Variants in ERCC2 observed in about 807,000 individuals in gnomAD.
The protein encoded by ERCC2 is ERCC excision repair 2, TFIIH core complex helicase subunit.
A neutral mutation model predicts 99.4 loss-of-function variants in ERCC2; 90 were observed. That is an observed-to-expected ratio of 0.91 (90% CI 0.76 to 1.08). ERCC2 has a LOEUF of 1.08. ERCC2 is among the 50% of genes least tolerant of loss of function. ERCC2 has a pLI of 0.00. For missense variants in ERCC2, 993 were observed against 1,038.1 expected (o/e 0.96, Z 0.60); for synonymous variants, 497 against 432.4 (o/e 1.15, Z -1.85).
At chr19:45,370,453 G>A (rs1166857722) in intron 1 of ERCC2, 83 bp downstream of exon 1, 121 of 1,517,982 alleles carry the variant, frequency 8.0e-5, no homozygotes, top group Non-Finnish European at 1.0e-4. Flanking sequence ...GCCCCCTTGG[G>A]GACCCAGGCG....
In ERCC2 at chr19:45,354,750, C is replaced by T. The variant is rs199778239; in HGVS notation, c.1645G>A (p.Val549Met). The change falls in exon 17 of 23, where the codon GTG becomes ATG. Residue 549 changes from valine (V) to methionine (M), a missense_variant. Val to Met is a conservative substitution (Grantham distance 21). Transcript: ENST00000391945. ...CGTACCTGCTCATACCAGGAGGCCA[C>T]GGTGCTCTCCATGTACTGGTAGCTG... ...FTSYQYMEST[V>M]ASWYEQGILE... The T allele has an allele frequency of 2.6e-5, 42 of 1,613,950 alleles. No homozygotes were observed. The East Asian group carries it at 3.1e-4, about 12-fold the overall frequency.
chr19:45,350,209 G>C lies in ERCC2; in HGVS notation c.*1420C>G, dbSNP rs555745457. The C allele has an allele frequency of 1.0e-5, 7 of 671,320 alleles. No homozygotes were observed. The highest frequency in any genetic ancestry group is 1.9e-5 in the South Asian group (1 of 53,374). 41.6% of individuals were successfully genotyped at this position (671,320 alleles called of 1,614,324 possible). A position where few individuals can be genotyped will look rare whatever the true frequency, so the allele number is the denominator to read the frequency against. On this transcript the variant is annotated 3_prime_UTR_variant, in exon 23 of 23. Transcript: ENST00000391945. ...GGCCAAGGCAGGAGGATCACTTGAG[G>C]CTAGGAGTTCAAGACCAGCCTGGGC...
intron 5 of ERCC2, among the ~76,000 whole-genome samples, chr19:45,367,733 C>CA (rs1450216963): frequency 6.6e-6 from 1 of 151,874 alleles, no homozygotes; most frequent in Admixed American, 6.6e-5. Context: ...AGGCTGGTCT[C>CA]AAACTCCCGA....
Position 45,351,415 on chromosome 19 carries a change from G to GGTGGGGTGAGAGGGGGTCTATC in ERCC2, c.*192_*213dup. 1 of 1,596,894 alleles carries GGTGGGGTGAGAGGGGGTCTATC rather than the reference G, an allele frequency of 6.3e-7. No homozygotes were observed. Among genetic ancestry groups the GGTGGGGTGAGAGGGGGTCTATC allele is most frequent in the South Asian group, 1.1e-5 (1 of 90,694 alleles). ...GGGAACAGTGCAGGAGGGATGGGCT[G>GGTGGGGTGAGAGGGGGTCTATC]GTGGGGTGAGAGGGGGTCTATCATC... On this transcript the variant is annotated 3_prime_UTR_variant, in exon 23 of 23. Transcript: ENST00000391945.
rs1203734080 is a variant in ERCC2, at chr19:45,364,286, G to A, written c.764C>T (p.Thr255Ile). The A allele has an allele frequency of 6.2e-7, 1 of 1,614,026 alleles. No individual in the cohort carries two copies. The highest frequency in any genetic ancestry group is 8.5e-7 in the Non-Finnish European group (1 of 1,179,996). Residue 255 changes from threonine to isoleucine, a missense_variant, in exon 9 of 23, where the codon ACC (threonine) becomes ATC (isoleucine). Physicochemically the swap from Thr to Ile is moderately conservative, Grantham distance 89. Coordinates refer to ENST00000391945, the MANE Select transcript of ERCC2 (RefSeq NM_000400.4). The part of the protein sequence containing the change: ...DSMSVNLTRR[T>I]LDRCQGNLET... ...CAGGTTGCCCTGGCACCGGTCAAGG[G>A]TCCGGCGGGTGAGGTTGACGCTCAT... is the stretch of plus-strand genomic sequence containing the variant.
chr19:45,360,678 C>T (rs1410665348), intron 12 of ERCC2, among the ~76,000 whole-genome samples: 1 of 23,860 alleles, frequency 4.2e-5, no homozygotes, highest in South Asian at 1.1e-3. Flanking sequence ...ATGTCTGGCC[C>T]CAGCTAATTT....
Position 45,352,080 on chromosome 19 carries a change from G to A in ERCC2, c.2190+129C>T, listed in dbSNP as rs557644388. On this transcript the variant is annotated intron_variant, in intron 22 of 22. Transcript: ENST00000391945. ...CCCAGAGCCTGGCACGTAGATGCAC[G>A]ATAAACTTCTCTTTGCTGAGGGCAG... is the stretch of plus-strand genomic sequence containing the variant. 101 of 1,138,028 alleles carry A rather than the reference G, an allele frequency of 8.9e-5. No individual in the cohort carries two copies. Among genetic ancestry groups the A allele is most frequent in the Middle Eastern group, 5.6e-4 (2 of 3,548 alleles). The allele number at this position is 1,138,028 out of a possible 1,614,324, so 70.5% of individuals were successfully genotyped here.
intron 5 of ERCC2, among the ~76,000 whole-genome samples, chr19:45,366,127 C>T (rs9676583): frequency 9.2e-5 from 14 of 151,750 alleles, no homozygotes; most frequent in Admixed American, 5.2e-4. Context: ...TGAGCCACTG[C>T]GCCCAGCCAG....
Position 45,351,492 on chromosome 19 carries a change from C to A in ERCC2, c.*137G>T. ...CCTGGTGGATAGCTGCCTTCTCCTG[C>A]GATTAAAGGCTGTGGACGTGACAGT... On this transcript the variant is annotated 3_prime_UTR_variant, in exon 23 of 23. Coordinates refer to ENST00000391945, the MANE Select transcript of ERCC2 (RefSeq NM_000400.4). The A allele has an allele frequency of 1.3e-6, 2 of 1,588,980 alleles. No homozygotes were observed. The highest frequency in any genetic ancestry group is 1.1e-5 in the South Asian group (1 of 89,914).
Position 45,364,965 on chromosome 19 carries a change from A to G in ERCC2, c.478-11T>C, listed in dbSNP as rs1466035318. Reference sequence around the variant, plus strand: ...ATGGGCATCAAATTCCTGGGACAAGAGTGCCAGGGGTCAGGGAGGCTGCCT... The same window carrying G: ...ATGGGCATCAAATTCCTGGGACAAGGGTGCCAGGGGTCAGGGAGGCTGCCT... On this transcript the variant is annotated splice_polypyrimidine_tract_variant and intron_variant, in intron 6 of 22. Coordinates refer to ENST00000391945, the MANE Select transcript of ERCC2 (RefSeq NM_000400.4). 6.2e-7 allele frequency: 1 copy of G among 1,612,114 alleles called. No individual in the cohort carries two copies. Among genetic ancestry groups the G allele is most frequent in the Non-Finnish European group, 8.5e-7 (1 of 1,178,256 alleles).
chr19:45,357,411 C>A, intron 14 of ERCC2, 40 bp from the exon 15 acceptor site: 1 of 1,609,072 alleles, frequency 6.2e-7, no homozygotes, highest in Non-Finnish European at 8.5e-7. Flanking sequence ...CAGGACTGGG[C>A]AGGGACCAGG....
At position 45,354,125 on chromosome 19, in the gene ERCC2, A is replaced by G. The variant is rs1201838680; in HGVS notation, c.1665+605T>C. ...AGCCAAGTTCACTCACCTCACCCCAAAGTGCTTTCACCCACTCCTGAGAGC... is the reference window on the plus strand; with the variant it reads ...AGCCAAGTTCACTCACCTCACCCCAGAGTGCTTTCACCCACTCCTGAGAGC... On this transcript the variant is annotated intron_variant, in intron 17 of 22. Transcript: ENST00000391945. Among the ~76,000 whole-genome samples, 4 of 152,156 alleles carry G rather than the reference A, an allele frequency of 2.6e-5. No individual in the cohort carries two copies. The East Asian group carries it at 7.7e-4, about 29-fold the overall frequency.
intron 12 of ERCC2, chr19:45,359,007 T>G: frequency 1.5e-6 from 1 of 652,016 alleles, no homozygotes; most frequent in Non-Finnish European, 2.8e-6. Flanking sequence ...GACACAGTGG[T>G]GACCAAGCCA....
chr19:45,362,823 C>T (rs1198864092), intron 11 of ERCC2, among the ~76,000 whole-genome samples: 1 of 152,354 alleles, frequency 6.6e-6, no homozygotes, highest in African/African-American at 2.4e-5. Flanking sequence ...CAGCCAGGGC[C>T]TTTGGAGCCC....
In ERCC2 at chr19:45,364,098, C is replaced by T. The variant is rs752706906; in HGVS notation, c.837G>A (p.Gln279=). 4 of 1,608,172 alleles carry T rather than the reference C, an allele frequency of 2.5e-6. No homozygotes were observed. Among genetic ancestry groups the T allele is most frequent in the Non-Finnish European group, 8.5e-7 (1 of 1,177,900 alleles). Residue 279 remains glutamine (Q), a synonymous_variant, in exon 10 of 23, where the codon CAG becomes CAA. Transcript: ENST00000391945. ...TVLRIKETDE[Q]RLRDEYRRLV... ...GACGCCGGTACTCGTCCCGCAGGCG[C>T]TGCTCGTCTGTCTCTTTGATCCTGC... is the stretch of plus-strand genomic sequence containing the variant.
intron 5 of ERCC2, among the ~76,000 whole-genome samples, chr19:45,367,554 G>A (rs1972471636): frequency 7.1e-6 from 1 of 141,156 alleles, no homozygotes. Flanking sequence ...TTTCACTCTT[G>A]TTGCCCAGGC....
chr19:45,370,081 G>A, intron 2 of ERCC2, 52 bp downstream of exon 2: 1 of 1,576,896 alleles, frequency 6.3e-7, no homozygotes, highest in Non-Finnish European at 8.7e-7. Context: ...TTAGGCCCAG[G>A]CGTGGCAGCC....
intron 12 of ERCC2, chr19:45,358,528 C>T: frequency 2.6e-6 from 1 of 379,110 alleles, no homozygotes; most frequent in Non-Finnish European, 4.9e-6. Flanking sequence ...ACCTCCCCGC[C>T]CCAAGAAGCC....
At chr19:45,370,450 T>C in intron 1 of ERCC2, 86 bp downstream of exon 1, 4 of 1,390,432 alleles carry the variant, frequency 2.9e-6, no homozygotes, top group Non-Finnish European at 3.8e-6. Flanking sequence ...CTCGCCCCCT[T>C]GGGGACCCAG....
Sources: gnomAD v4.1 joint callset for allele counts (sites outside exome capture counted in the v4.1 genomes callset) on GRCh38, gnomAD v4.1.1 for gene constraint, MANE v1.5 for transcripts, NCBI Gene and HGNC (gene_info 2026-07-23, HGNC 2026-07-21) for gene names.